Variants in APC observed in about 807,000 individuals in gnomAD.
APC encodes adenomatous polyposis coli protein.
APC carries 72 observed loss-of-function variants against 247.0 expected under a neutral mutation model. That is an observed-to-expected ratio of 0.29 (90% confidence interval 0.24 to 0.35). APC has a LOEUF of 0.35. Ranked by LOEUF, APC falls within the 10% of genes least tolerant of loss-of-function variation. The pLI is 1.00. For synonymous variants in APC, 1,254 were observed against 1,162.5 expected (o/e 1.08, Z -1.60); for missense variants, 3,400 against 3,360.7 (o/e 1.01, Z -0.29).
At chr5:112,777,831 C>T in intron 5 of APC, 1 of 246,556 alleles carries the variant, frequency 4.1e-6, no homozygotes, top group Non-Finnish European at 8.6e-6. Flanking sequence ...AGGATCAAGA[C>T]ATCTGGCAAA....
chr5:112,711,141 G>T (rs891742015), intron 1 of APC, among the ~76,000 whole-genome samples: 2 of 152,210 alleles, frequency 1.3e-5, no homozygotes, highest in African/African-American at 4.8e-5. Flanking sequence ...AGCAGGAGGT[G>T]AGCAGCAGGG....
chr5:112,775,489 A>G (rs1757522949), intron 4 of APC, 140 bp from the exon 5 acceptor site: 1 of 562,390 alleles, frequency 1.8e-6, no homozygotes. Flanking sequence ...AAAAATTGAA[A>G]TCAATGTAAA....
At chr5:112,803,436 G>A (rs1342933804) in intron 8 of APC, among the ~76,000 whole-genome samples, 1 of 152,178 alleles carries the variant, frequency 6.6e-6, no homozygotes, top group African/African-American at 2.4e-5. Context: ...TGGCTCTGGA[G>A]TCAACAAACC....
intron 6 of APC, among the ~76,000 whole-genome samples, chr5:112,785,790 G>A (rs1758871730): frequency 2.0e-5 from 3 of 152,222 alleles, no homozygotes; most frequent in Middle Eastern, 3.4e-3. Flanking sequence ...CAGAAGATGA[G>A]AAATTAAACC....
intron 2 of APC, among the ~76,000 whole-genome samples, chr5:112,757,689 A>G (rs1755142575): frequency 6.6e-6 from 1 of 152,190 alleles, no homozygotes; most frequent in Non-Finnish European, 1.5e-5. Context: ...TCTGTCTGAA[A>G]AACAAAAACA....
intron 6 of APC, among the ~76,000 whole-genome samples, chr5:112,782,603 T>C (rs1758468883): frequency 6.6e-6 from 1 of 152,196 alleles, no homozygotes; most frequent in African/African-American, 2.4e-5. Flanking sequence ...CATTTTTTCT[T>C]ACCTTCCCTC....
At chr5:112,836,630 A>G (rs1764974984) in intron 15 of APC, among the ~76,000 whole-genome samples, 1 of 152,180 alleles carries the variant, frequency 6.6e-6, no homozygotes, top group Non-Finnish European at 1.5e-5. Context: ...TATGCCTTAA[A>G]TGTTTCAAAA....
At chr5:112,827,662 G>C (rs1763840918) in intron 12 of APC, among the ~76,000 whole-genome samples, 1 of 152,110 alleles carries the variant, frequency 6.6e-6, no homozygotes, top group Non-Finnish European at 1.5e-5. Flanking sequence ...CCAAATAAGA[G>C]GCTTTACTCT....
chr5:112,787,028 C>G (rs900090306), intron 6 of APC, among the ~76,000 whole-genome samples: 3 of 151,904 alleles, frequency 2.0e-5, no homozygotes, highest in African/African-American at 7.3e-5. Flanking sequence ...GCTGGAATTA[C>G]AGGCATGTGC....
chr5:112,764,524 A>G (rs1756048805), intron 2 of APC, among the ~76,000 whole-genome samples: 1 of 152,318 alleles, frequency 6.6e-6, no homozygotes, highest in South Asian at 2.1e-4. Context: ...GAGAGAATAC[A>G]AGGCAAAGAA....
chr5:112,757,199 G>A (rs574093526), intron 2 of APC, among the ~76,000 whole-genome samples: 20 of 152,222 alleles, frequency 1.3e-4, no homozygotes, highest in Non-Finnish European at 2.9e-4. Context: ...TTACAGCCCT[G>A]TAATGAAATT....
intron 6 of APC, among the ~76,000 whole-genome samples, chr5:112,792,168 C>A (rs905456711): frequency 6.6e-6 from 1 of 152,044 alleles, no homozygotes; most frequent in Non-Finnish European, 1.5e-5. Flanking sequence ...ATCACTTGAA[C>A]CCGGAAGGCG....
In APC at chr5:112,836,165, T is replaced by TTC. The variant is rs1554083526; in HGVS notation, c.1958+1000_1958+1001insTC. 6.9e-3 allele frequency among the ~76,000 whole-genome samples: 169 copies of TTC among 24,484 alleles called. 23 individuals are homozygous for TTC. The highest frequency in any genetic ancestry group is 0.012 in the Non-Finnish European group (139 of 11,750). The allele number at this position is 24,484 out of a possible 152,430, so 16.1% of individuals were successfully genotyped here. Reference sequence around the variant, plus strand: ...CCTCCCGAGTAGCTGGGATTACAGGTCCCCCCCCCCCCCCGCCACCGTGCC... The same window carrying TTC: ...CCTCCCGAGTAGCTGGGATTACAGGTTCCCCCCCCCCCCCCCGCCACCGTGCC... On this transcript the variant is annotated intron_variant, in intron 15 of 15. Coordinates refer to ENST00000257430, the MANE Select transcript of APC (RefSeq NM_000038.6).
intron 7 of APC, among the ~76,000 whole-genome samples, chr5:112,798,906 TTATC>T (rs1183514949): frequency 6.6e-6 from 1 of 152,108 alleles, no homozygotes; most frequent in Non-Finnish European, 1.5e-5. Flanking sequence ...CTCCATCTCT[TTATC>T]TATAAAATGG....
rs564264297 is a variant in APC at position 112,717,060 on chromosome 5, G to T, written c.165+9178G>T. Among the ~76,000 whole-genome samples the T allele has an allele frequency of 1.9e-3, 294 of 152,248 alleles. 1 individual carries two copies. The highest frequency in any genetic ancestry group is 6.3e-3 in the African/African-American group (261 of 41,542). ...GGGTCTCGCTGTGTTGCCCAGGCTGGAGTGCAGTAGCGTGATCTTGGCTCA... is the reference window on the plus strand; with the variant it reads ...GGGTCTCGCTGTGTTGCCCAGGCTGTAGTGCAGTAGCGTGATCTTGGCTCA... On this transcript the variant is annotated intron_variant, in intron 1 of 13. Transcript: ENST00000507379.
At chr5:112,831,066 C>T in intron 14 of APC, among the ~76,000 whole-genome samples, 1 of 152,078 alleles carries the variant, frequency 6.6e-6, no homozygotes, top group South Asian at 2.1e-4. Flanking sequence ...CTGCTGCTAA[C>T]TGGTTCATGA....
intron 5 of APC, among the ~76,000 whole-genome samples, chr5:112,780,293 A>G (rs956464090): frequency 1.3e-5 from 2 of 152,062 alleles, no homozygotes; most frequent in Admixed American, 6.5e-5. Context: ...CTTGTCCCAT[A>G]TTCCTCATTT....
chr5:112,748,213 G>A (rs1392022636), intron 1 of APC, among the ~76,000 whole-genome samples: 1 of 152,178 alleles, frequency 6.6e-6, no homozygotes, highest in Non-Finnish European at 1.5e-5. Flanking sequence ...GTAAGCAAAG[G>A]AAAGTGTGGG....
At position 112,844,257 on chromosome 5, in the gene APC, G is replaced by A. The variant is rs1766789747; in HGVS notation, c.*131G>A. 5.8e-6 allele frequency: 5 copies of A among 859,528 alleles called. No homozygotes were observed. In the Admixed American group the frequency reaches 8.0e-5, roughly 14 times the overall value. 53.2% of individuals were successfully genotyped at this position (859,528 alleles called of 1,614,324 possible). ...GTTTGATTCTTGTTAGAGGGTTTTT[G>A]TTCTGGAAGCCATATTTGATAGTAT... is the stretch of plus-strand genomic sequence containing the variant. On this transcript the variant is annotated 3_prime_UTR_variant, in exon 16 of 16. Coordinates refer to ENST00000257430, the MANE Select transcript of APC (RefSeq NM_000038.6).
Sources: allele counts gnomAD v4.1 joint callset (sites outside exome capture counted in the v4.1 genomes callset), GRCh38; gene constraint gnomAD v4.1.1; transcripts MANE v1.5; gene names NCBI Gene and HGNC (gene_info 2026-07-23, HGNC 2026-07-21).